Variants in CLEC2A observed in about 807,000 individuals in gnomAD.
CLEC2A encodes keratinocyte-associated C-type lectin.
CLEC2A carries 19 observed loss-of-function variants against 18.6 expected under a neutral mutation model. The ratio of observed to expected loss-of-function variants is 1.02; its 90% CI spans 0.71 to 1.50. The LOEUF (loss-of-function observed/expected upper bound fraction) is 1.50, where lower values mean the gene tolerates loss of function less well. Ranked by LOEUF, CLEC2A falls within the 40% of genes most tolerant of loss-of-function variation. The probability of loss-of-function intolerance (pLI) is 0.00; values close to 1 mark genes in which losing one functional copy is unlikely to be tolerated. For synonymous variants in CLEC2A, 74 were observed against 64.0 expected (o/e 1.16, Z -0.75); for missense variants, 190 against 207.9 (o/e 0.91, Z 0.53).
At chr12:9,926,211 C>G (rs1244953480) in intron 2 of CLEC2A, 49 bp downstream of exon 2, 1 of 1,098,864 alleles carries the variant, frequency 9.1e-7, no homozygotes, top group South Asian at 1.4e-5. Context: ...TATACATGGA[C>G]CCTTCAGGAG....
chr12:9,879,456 T>TG, the CLEC2A span, among the ~76,000 whole-genome samples: 1 of 152,062 alleles, frequency 6.6e-6, no homozygotes, highest in Non-Finnish European at 1.5e-5. Flanking sequence ...GAAACTTCAG[T>TG]CATTTTCTTG....
At chr12:9,929,312 G>C (rs1468097209) in intron 1 of CLEC2A, among the ~76,000 whole-genome samples, 3 of 152,054 alleles carry the variant, frequency 2.0e-5, no homozygotes, top group Non-Finnish European at 2.9e-5. Context: ...TTGCTAAACA[G>C]TAGTAGTTAC....
chr12:9,905,186 A>G (rs1386275534), intron 4 of CLEC2A, among the ~76,000 whole-genome samples: 6 of 152,152 alleles, frequency 3.9e-5, no homozygotes, highest in Non-Finnish European at 8.8e-5. Context: ...ATAACGGCCC[A>G]TTTTTCTCTG....
downstream of CLEC2A, among the ~76,000 whole-genome samples, chr12:9,895,384 G>A (rs994691711): frequency 1.1e-4 from 17 of 152,306 alleles, no homozygotes; most frequent in Non-Finnish European, 4.4e-5. Flanking sequence ...GCTGGGAGAA[G>A]TGAATGGTTA....
chr12:9,878,365 C>A, the CLEC2A span, among the ~76,000 whole-genome samples: 9 of 151,838 alleles, frequency 5.9e-5, no homozygotes, highest in Non-Finnish European at 1.3e-4. Flanking sequence ...TTTATATGGG[C>A]CAAGGGGAGA....
downstream of CLEC2A, chr12:9,895,721 G>T (rs1404488447): frequency 6.5e-7 from 1 of 1,535,286 alleles, no homozygotes; most frequent in Non-Finnish European, 8.7e-7. Context: ...GATGACAGGA[G>T]CTGTGCCGTT....
chr12:9,900,459 A>C (rs1295210988), intron 4 of CLEC2A, among the ~76,000 whole-genome samples: 1 of 152,174 alleles, frequency 6.6e-6, no homozygotes, highest in Non-Finnish European at 1.5e-5. Flanking sequence ...TTTTTCCAAA[A>C]TAGACTTTAG....
downstream of CLEC2A, among the ~76,000 whole-genome samples, chr12:9,912,110 C>A (rs1257173515): frequency 6.6e-6 from 1 of 152,154 alleles, no homozygotes; most frequent in Admixed American, 6.5e-5. Flanking sequence ...AGGTTAACTG[C>A]TGATGGGGTA....
chr12:9,888,722 A>C, the CLEC2A span: 1 of 1,445,876 alleles, frequency 6.9e-7, no homozygotes, highest in Non-Finnish European at 9.4e-7. Context: ...TTTTCTTTGC[A>C]CTGAGTACAG....
intron 4 of CLEC2A, among the ~76,000 whole-genome samples, chr12:9,906,822 G>A (rs968392183): frequency 6.6e-6 from 1 of 152,136 alleles, no homozygotes; most frequent in Non-Finnish European, 1.5e-5. Context: ...ACTTTTGTGT[G>A]GTAGTTCATT....
At chr12:9,886,239 T>G in the CLEC2A span, among the ~76,000 whole-genome samples, 2 of 152,180 alleles carry the variant, frequency 1.3e-5, no homozygotes, top group African/African-American at 4.8e-5. Flanking sequence ...AATTTGTCCT[T>G]GGGTTTTGAC....
chr12:9,909,678 G>A (rs1447273801), downstream of CLEC2A, among the ~76,000 whole-genome samples: 4 of 152,246 alleles, frequency 2.6e-5, no homozygotes, highest in African/African-American at 9.6e-5. Context: ...GGGATAAAGG[G>A]AAGTTTTGAA....
chr12:9,892,888 C>G, the CLEC2A span: 3 of 721,124 alleles, frequency 4.2e-6, no homozygotes, highest in Non-Finnish European at 6.4e-6. Context: ...CTGGTCTGAA[C>G]TCCTTTTTAT....
At position 9,913,260 on chromosome 12, in the gene CLEC2A, C is replaced by T. The variant is rs371368417; in HGVS notation, c.*306G>A. The T allele has an allele frequency of 1.4e-3, 444 of 315,644 alleles. 3 individuals are homozygous for T. The highest frequency in any genetic ancestry group is 9.0e-3 in the African/African-American group (409 of 45,530). 19.6% of individuals were successfully genotyped at this position (315,644 alleles called of 1,614,324 possible). A position where few individuals can be genotyped will look rare whatever the true frequency, so the allele number is the denominator to read the frequency against. Reference sequence around the variant, plus strand: ...TGAGTATTTGGGTCCTCCCAAAACTCATAAATTGAAAGCTAATCACCAGTG... The same window carrying T: ...TGAGTATTTGGGTCCTCCCAAAACTTATAAATTGAAAGCTAATCACCAGTG... On this transcript the variant is annotated 3_prime_UTR_variant, in exon 5 of 5. Transcript: ENST00000455827.
the CLEC2A span, among the ~76,000 whole-genome samples, chr12:9,883,305 G>C: frequency 6.6e-6 from 1 of 152,144 alleles, no homozygotes; most frequent in East Asian, 1.9e-4. Context: ...TAGTGTTCTT[G>C]CAATAGTAGC....
At chr12:9,905,237 A>T (rs1292365966) in intron 4 of CLEC2A, among the ~76,000 whole-genome samples, 1 of 152,140 alleles carries the variant, frequency 6.6e-6, no homozygotes, top group Non-Finnish European at 1.5e-5. Context: ...TGGTGTGTCC[A>T]TCTCCTTTCA....
intron 1 of CLEC2A, among the ~76,000 whole-genome samples, chr12:9,928,662 C>G (rs1863319158): frequency 6.6e-6 from 1 of 152,062 alleles, no homozygotes; most frequent in African/African-American, 2.4e-5. Flanking sequence ...ATAGTACAAA[C>G]AACTTGATAA....
chr12:9,893,172 A>G, the CLEC2A span: 1 of 1,529,892 alleles, frequency 6.5e-7, no homozygotes, highest in Non-Finnish European at 8.8e-7. Flanking sequence ...TGAGCTGGTG[A>G]GAAATCAAAA....
chr12:9,895,973 A>C (rs1317947890), downstream of CLEC2A: 3 of 767,644 alleles, frequency 3.9e-6, no homozygotes, highest in Non-Finnish European at 3.8e-6. Flanking sequence ...TTTTATCCTG[A>C]ATTGACTATA....
Sources: gnomAD v4.1 joint callset for allele counts (sites outside exome capture counted in the v4.1 genomes callset) on GRCh38, gnomAD v4.1.1 for gene constraint, MANE v1.5 for transcripts, NCBI Gene and HGNC (gene_info 2026-07-23, HGNC 2026-07-21) for gene names.